The following ZNF45 variants were observed in gnomAD, a reference collection of about 807,000 sequenced individuals.
The protein encoded by ZNF45 is BRC1744.
A neutral mutation model predicts 12.0 loss-of-function variants in ZNF45; 4 were observed. The ratio of observed to expected loss-of-function variants is 0.33; its 90% CI spans 0.16 to 0.76. The LOEUF is 0.76. Ranked by LOEUF, ZNF45 falls within the 30% of genes least tolerant of loss-of-function variation. The pLI, the probability that ZNF45 is intolerant of heterozygous loss-of-function variation, is 0.60. For synonymous variants in ZNF45, 272 were observed against 279.6 expected (o/e 0.97, Z 0.27); for missense variants, 700 against 813.0 (o/e 0.86, Z 1.69).
intron 3 of ZNF45, among the ~76,000 whole-genome samples, chr19:43,930,540 AG>A (rs1184634321): frequency 6.6e-6 from 1 of 152,228 alleles, no homozygotes; most frequent in Non-Finnish European, 1.5e-5. Context: ...GAACTGTCCA[AG>A]GGCACCCAGG....
In ZNF45 at chr19:43,915,086, T is replaced by G. The variant is rs1345464908; in HGVS notation, c.350A>C (p.Lys117Thr). 1 of 1,611,688 alleles carries G rather than the reference T, an allele frequency of 6.2e-7. No individual in the cohort carries two copies. Among genetic ancestry groups the G allele is most frequent in the Non-Finnish European group, 8.5e-7 (1 of 1,179,060 alleles). Residue 117 changes from lysine (K) to threonine (T), a missense_variant, in exon 10 of 10, where the codon AAG becomes ACG. Lys to Thr is a moderately conservative substitution (Grantham distance 78). Coordinates refer to ENST00000269973, the MANE Select transcript of ZNF45 (RefSeq NM_003425.4). ...AATATTTACCACAGAATCTTGATAC[T>G]TGATTAACTCTCTTGTAATCTGTTG... Reference protein sequence around the residue: ...IWQQITRELIKYQDSVVNIQR... With the variant: ...IWQQITRELITYQDSVVNIQR...
rs773006504 is a variant in ZNF45 at position 43,918,937 on chromosome 19, T to C, written c.168A>G (p.Leu56=). The stretch of plus-strand genomic sequence containing the variant: ...GCTTTTCTTCTCTCTCTAACTGTGG[T>C]AGGCCATCTGGTGTGGACTGATGCC... The part of the protein sequence containing the change: ...SVGHQSTPDG[L]PQLEREEKLW... Residue 56 remains leucine (L), a synonymous_variant, in exon 9 of 10, where the codon CTA becomes CTG. Coordinates refer to ENST00000269973, the MANE Select transcript of ZNF45 (RefSeq NM_003425.4). 1.1e-5 allele frequency: 18 copies of C among 1,614,038 alleles called. No individual in the cohort carries two copies. In the Admixed American group the frequency reaches 2.3e-4, roughly 21 times the overall value.
chr19:43,926,591 C>T (rs1371055993), intron 3 of ZNF45: 1 of 152,214 alleles, frequency 6.6e-6, no homozygotes. Flanking sequence ...AATTCCCCAG[C>T]CTCAAGATGC....
intron 3 of ZNF45, chr19:43,930,145 A>G: frequency 6.6e-6 from 1 of 152,336 alleles, no homozygotes; most frequent in Non-Finnish European, 1.5e-5. Flanking sequence ...GTAGGGGAAA[A>G]GGGGGATGGA....
At chr19:43,922,311 G>GTTTTGT (rs1973257456) in intron 6 of ZNF45, 94 bp from the exon 7 acceptor site, 1 of 884,866 alleles carries the variant, frequency 1.1e-6, no homozygotes, top group African/African-American at 1.9e-5. Flanking sequence ...GTTTTGTTTT[G>GTTTTGT]TTTTTTTTAA....
chr19:43,920,603 T>TC (rs1289463779), intron 7 of ZNF45, among the ~76,000 whole-genome samples: 1 of 143,932 alleles, frequency 6.9e-6, no homozygotes, highest in Non-Finnish European at 1.5e-5. Context: ...GTATTGGTTT[T>TC]TTTTTTTTTT....
Position 43,922,189 on chromosome 19 carries a change from G to A in ZNF45, c.-4C>T, listed in dbSNP as rs1407260754. 1 of 1,608,996 alleles carries A rather than the reference G, an allele frequency of 6.2e-7. No individual in the cohort carries two copies. The highest frequency in any genetic ancestry group is 1.1e-5 in the South Asian group (1 of 90,520). ...AACTCACCTTAGACTTCGTCATTTT[G>A]TCCTCCTCCTTCTGGAGAAGTGCCA... On this transcript the variant is annotated 5_prime_UTR_variant, in exon 7 of 10. Transcript: ENST00000269973.
In ZNF45 at chr19:43,914,259, A is replaced by T; in HGVS notation, c.1177T>A (p.Cys393Ser). 6.2e-7 allele frequency: 1 copy of T among 1,612,590 alleles called. No homozygotes were observed. Among genetic ancestry groups the T allele is most frequent in the South Asian group, 1.1e-5 (1 of 90,964 alleles). ...TGEKPYKCEE[C>S]GKGFCRASNL... ...GAGGCCCGGCAGAAGCCTTTCCCAC[A>T]CTCCTCACATTTGTATGGCTTCTCT... is the stretch of plus-strand genomic sequence containing the variant. The change falls in exon 10 of 10, where the codon TGT becomes AGT. Residue 393 changes from cysteine (C) to serine (S), a missense_variant. By Grantham distance (112) the Cys-to-Ser change is moderately radical. Transcript: ENST00000269973.
At chr19:43,927,075 T>C (rs1458182730) in intron 3 of ZNF45, among the ~76,000 whole-genome samples, 1 of 152,144 alleles carries the variant, frequency 6.6e-6, no homozygotes, top group Admixed American at 6.5e-5. Flanking sequence ...TCTTCTTTAT[T>C]CAAATGTCAC....
At chr19:43,930,401 G>A (rs77060121) in intron 3 of ZNF45, among the ~76,000 whole-genome samples, 1,591 of 152,236 alleles carry the variant, frequency 0.01, 28 homozygotes, top group African/African-American at 0.036. Flanking sequence ...CAGAACCCCC[G>A]AATTACTAAT....
intron 6 of ZNF45, 169 bp from the exon 7 acceptor site, chr19:43,922,386 A>C (rs917239908): frequency 3.7e-6 from 2 of 536,996 alleles, no homozygotes; most frequent in Non-Finnish European, 6.7e-6. Context: ...GCTGGATTCC[A>C]GATACTACTT....
chr19:43,920,555 C>A (rs966530439), intron 7 of ZNF45, among the ~76,000 whole-genome samples: 1 of 70,288 alleles, frequency 1.4e-5, no homozygotes, highest in Non-Finnish European at 3.1e-5. Context: ...GGGCAGTGGG[C>A]GGTAAAGTCA....
At chr19:43,919,519 G>A in intron 8 of ZNF45, 54 bp downstream of exon 8, 3 of 1,585,326 alleles carry the variant, frequency 1.9e-6, no homozygotes, top group Admixed American at 3.5e-5. Flanking sequence ...TATACCCAAG[G>A]ACAGAGAGAC....
intron 9 of ZNF45, among the ~76,000 whole-genome samples, chr19:43,917,312 C>A (rs563617568): frequency 1.2e-3 from 185 of 152,176 alleles, no homozygotes; most frequent in African/African-American, 4.0e-3. Context: ...AAGTTTGAAA[C>A]CTCCCAGTCT....
chr19:43,915,296 CATTGAACCAGGAGA>C, intron 9 of ZNF45, 96 bp from the exon 10 acceptor site: 2 of 1,278,510 alleles, frequency 1.6e-6, no homozygotes, highest in Non-Finnish European at 2.0e-6. Context: ...CCTAAGGCTT[CATTGAACCAGGAGA>C]AGGTTCCATT....
chr19:43,931,911 T>C (rs1389562564), intron 3 of ZNF45, among the ~76,000 whole-genome samples: 1 of 152,184 alleles, frequency 6.6e-6, no homozygotes, highest in East Asian at 1.9e-4. Flanking sequence ...TTTTTCATCT[T>C]TAAAATCAGA....
chr19:43,914,405 C>T lies in ZNF45; in HGVS notation c.1031G>A (p.Ser344Asn). The T allele has an allele frequency of 6.2e-7, 1 of 1,609,282 alleles. No homozygotes were observed. The highest frequency in any genetic ancestry group is 8.5e-7 in the Non-Finnish European group (1 of 1,176,930). Reference protein sequence around the residue: ...CNACGKSFSYSSHLNIHCRIH... With the variant: ...CNACGKSFSYNSHLNIHCRIH... ...TCTACAATGAATATTAAGGTGTGAG[C>T]TGTAACTAAAGCTCTTGCCACATGC... The change falls in exon 10 of 10, where the codon AGC (serine) becomes AAC (asparagine). Residue 344 changes from serine (S) to asparagine (N), a missense_variant. Ser to Asn is a conservative substitution (Grantham distance 46, BLOSUM62 1). Transcript: ENST00000269973.
At chr19:43,922,356 G>A in intron 6 of ZNF45, 139 bp from the exon 7 acceptor site, 1 of 586,564 alleles carries the variant, frequency 1.7e-6, no homozygotes, top group Non-Finnish European at 3.0e-6. Flanking sequence ...CCTCGGGCTG[G>A]CTTGATGAAC....
intron 2 of ZNF45, among the ~76,000 whole-genome samples, chr19:43,933,422 C>T (rs1974290011): frequency 6.6e-6 from 1 of 152,040 alleles, no homozygotes; most frequent in Admixed American, 6.6e-5. Context: ...CCACTGCACT[C>T]CAGCCTGGGC....
Sources: gnomAD v4.1 joint callset for allele counts (sites outside exome capture counted in the v4.1 genomes callset) on GRCh38, gnomAD v4.1.1 for gene constraint, MANE v1.5 for transcripts, NCBI Gene and HGNC (gene_info 2026-07-23, HGNC 2026-07-21) for gene names.